The following POU5F1 variants were observed in gnomAD, a reference collection of about 807,000 sequenced individuals.
POU5F1 encodes the protein POU domain, class 5, transcription factor 1.
In POU5F1, 6 loss-of-function variants were observed where a neutral mutation model predicts 38.3. That is an observed-to-expected ratio of 0.16 (90% CI 0.09 to 0.31). The LOEUF (loss-of-function observed/expected upper bound fraction) is 0.31, where lower values mean the gene tolerates loss of function less well. Among genes scored for constraint, POU5F1 ranks in the 10% least tolerant of loss-of-function variants. POU5F1 has a pLI of 1.00. For synonymous variants in POU5F1, 147 were observed against 194.9 expected, an observed-to-expected ratio of 0.75 and a Z score of 2.05; for missense variants, 286 against 462.6, an observed-to-expected ratio of 0.62 and a Z score of 3.50.
chr6:31,165,852 CCT>C lies in POU5F1; in HGVS notation c.526+73_526+74del. 2 of 1,595,584 alleles carry C rather than the reference CCT, an allele frequency of 1.3e-6. No individual in the cohort carries two copies. Among genetic ancestry groups the C allele is most frequent in the Non-Finnish European group, 8.6e-7 (1 of 1,168,862 alleles). On this transcript the variant is annotated intron_variant, in intron 2 of 4. Coordinates refer to ENST00000259915, the MANE Select transcript of POU5F1 (RefSeq NM_002701.6). The surrounding 1 kb of genome is among the most constrained non-coding windows in gnomAD (Gnocchi z 6.5). ...TCTTCATGGGTGAGGGTAGTCTGCC[CCT>C]GCCCCTCCCCACTAGGTTCAGGGAT...
intron 1 of POU5F1, among the ~76,000 whole-genome samples, chr6:31,168,736 A>T (rs952117946): frequency 6.6e-6 from 1 of 152,178 alleles, no homozygotes; most frequent in Non-Finnish European, 1.5e-5. Flanking sequence ...AGGGTGGAGC[A>T]GTTCAGGGAG....
chr6:31,168,331 G>A (rs1300567533), intron 1 of POU5F1, among the ~76,000 whole-genome samples: 2 of 150,946 alleles, frequency 1.3e-5, no homozygotes, highest in South Asian at 2.1e-4. Context: ...CATCTCCCAG[G>A]TTCAAGCGAT....
chr6:31,164,599 C>A lies in POU5F1; in HGVS notation c.*2G>T, dbSNP rs997296748. 5.0e-6 allele frequency: 8 copies of A among 1,584,544 alleles called. No homozygotes were observed. The African/African-American group carries it at 1.1e-4, about 21-fold the overall frequency. ...TCCCCCATTCCTAGAAGGGCAGGCACCTCAGTTTGAATGCATGGGAGAGCC... is the reference window on the plus strand; with the variant it reads ...TCCCCCATTCCTAGAAGGGCAGGCAACTCAGTTTGAATGCATGGGAGAGCC... On this transcript the variant is annotated 3_prime_UTR_variant, in exon 5 of 5. Coordinates refer to ENST00000259915, the MANE Select transcript of POU5F1 (RefSeq NM_002701.6).
chr6:31,170,479 C>G lies in POU5F1; in HGVS notation c.142G>C (p.Gly48Arg). The G allele has an allele frequency of 6.2e-7, 1 of 1,603,434 alleles. No homozygotes were observed. The highest frequency in any genetic ancestry group is 1.1e-5 in the South Asian group (1 of 89,916). ...TCAGAGCCTGGCCCAACCCCCGGCC[C>G]GATTCCTGGCCCTCCAGGAGGGCCT... ...FQGPPGGPGI[G>R]PGVGPGSEVW... is the part of the protein sequence containing the mutation. The change falls in exon 1 of 5, where the codon GGG (glycine) becomes CGG (arginine). Residue 48 changes from glycine (G) to arginine (R), a missense_variant. Coordinates refer to ENST00000259915, the MANE Select transcript of POU5F1 (RefSeq NM_002701.6).
chr6:31,164,741 C>T lies in POU5F1; in HGVS notation c.943G>A (p.Ala315Thr), dbSNP rs1777072975. 6.2e-7 allele frequency: 1 copy of T among 1,608,166 alleles called. No individual in the cohort carries two copies. Among genetic ancestry groups the T allele is most frequent in the Non-Finnish European group, 8.5e-7 (1 of 1,177,438 alleles). The change falls in exon 5 of 5, where the codon GCC (alanine) becomes ACC (threonine). Residue 315 changes from alanine to threonine, a missense_variant. Transcript: ENST00000259915. Reference sequence around the variant, plus strand: ...GGGGTACCAAAATGGGGCCCTGGGGCCAGAGGAAAGGACACTGGTCCCCCT... The same window carrying T: ...GGGGTACCAAAATGGGGCCCTGGGGTCAGAGGAAAGGACACTGGTCCCCCT... ...FSGGPVSFPL[A>T]PGPHFGTPGY...
At chr6:31,170,120 G>A in intron 1 of POU5F1, 96 bp downstream of exon 1, 3 of 1,597,182 alleles carry the variant, frequency 1.9e-6, no homozygotes, top group Non-Finnish European at 2.6e-6. Context: ...CCTCTCCTGG[G>A]TGCCAGGTCT....
intron 1 of POU5F1, among the ~76,000 whole-genome samples, chr6:31,168,075 G>A (rs1215520378): frequency 6.6e-6 from 1 of 152,040 alleles, no homozygotes; most frequent in Non-Finnish European, 1.5e-5. Flanking sequence ...GAGTAGCTGG[G>A]ACTACAGGCA....
intron 1 of POU5F1, among the ~76,000 whole-genome samples, chr6:31,169,039 A>G (rs1006234562): frequency 2.0e-5 from 3 of 152,320 alleles, no homozygotes; most frequent in South Asian, 2.1e-4. Flanking sequence ...CAAACTGATA[A>G]ATGCCCTCTG....
chr6:31,167,621 T>C (rs994490975), intron 1 of POU5F1, among the ~76,000 whole-genome samples: 2 of 151,666 alleles, frequency 1.3e-5, no homozygotes, highest in African/African-American at 4.9e-5. Flanking sequence ...GGCAGGAGAA[T>C]TGCTTGAACC....
chr6:31,170,675 G>A lies in POU5F1; in HGVS notation c.-55C>T, dbSNP rs1777603308. On this transcript the variant is annotated 5_prime_UTR_variant, in exon 1 of 5. Transcript: ENST00000259915. ...CTGGTGAAATGAGGGCTTGCGAAGG[G>A]ACTACTCAACCCCTCTCTCCCTCCC... 2.0e-6 allele frequency: 3 copies of A among 1,501,092 alleles called. No homozygotes were observed. Among genetic ancestry groups the A allele is most frequent in the Admixed American group, 2.2e-5 (1 of 45,128 alleles). The allele number at this position is 1,501,092 out of a possible 1,614,324, so 93.0% of individuals were successfully genotyped here.
rs953270489 is a variant in POU5F1 at position 31,164,652 on chromosome 6, G to A, written c.1032C>T (p.Ala344=). 251 of 1,584,848 alleles carry A rather than the reference G, an allele frequency of 1.6e-4. No homozygotes were observed. Among genetic ancestry groups the A allele is most frequent in the Non-Finnish European group, 2.1e-4 (248 of 1,165,308 alleles). Residue 344 remains alanine, a synonymous_variant, in exon 5 of 5, where the codon GCC becomes GCT. Coordinates refer to ENST00000259915, the MANE Select transcript of POU5F1 (RefSeq NM_002701.6). The stretch of plus-strand genomic sequence containing the variant: ...GAGTGGTGACGGAGACAGGGGGAAA[G>A]GCTTCCCCCTCAGGGAAAGGGACCG... ...YSSVPFPEGE[A]FPPVSVTTLG... is the part of the protein sequence containing the mutation.
At chr6:31,164,929 T>C in intron 4 of POU5F1, 62 bp from the exon 5 acceptor site, 1 of 1,576,000 alleles carries the variant, frequency 6.3e-7, no homozygotes, top group Non-Finnish European at 8.6e-7. Flanking sequence ...GGCCTGACTC[T>C]GCTTGGACAT....
At chr6:31,166,256 A>T (rs115513668) in intron 1 of POU5F1, 29,896 of 1,543,786 alleles carry the variant, frequency 0.019, 367 homozygotes, top group Non-Finnish European at 0.022. Flanking sequence ...TCATGCATGT[A>T]ACAAAGGACT....
In POU5F1 at chr6:31,165,432, C is replaced by T; in HGVS notation, c.657+139G>A. ...TGGAAGGGTTGGCTCTGGACCTTAT[C>T]CCAGCAGAACTGAGGAATTTCACTC... On this transcript the variant is annotated intron_variant, in intron 3 of 4. Coordinates refer to ENST00000259915, the MANE Select transcript of POU5F1 (RefSeq NM_002701.6). The surrounding 1 kb of genome is among the most constrained non-coding windows in gnomAD (Gnocchi z 6.5). 2 of 1,566,292 alleles carry T rather than the reference C, an allele frequency of 1.3e-6. No homozygotes were observed. The highest frequency in any genetic ancestry group is 2.3e-5 in the East Asian group (1 of 43,734).
At position 31,164,356 on chromosome 6, in the gene POU5F1, T is replaced by G; in HGVS notation, c.*245A>C. 8.6e-7 allele frequency: 1 copy of G among 1,163,538 alleles called. No homozygotes were observed. Among genetic ancestry groups the G allele is most frequent in the Non-Finnish European group, 1.2e-6 (1 of 843,612 alleles). The allele number at this position is 1,163,538 out of a possible 1,614,324, so 72.1% of individuals were successfully genotyped here. A position where few individuals can be genotyped will look rare whatever the true frequency, so the allele number is the denominator to read the frequency against. ...CCAAGATAAGTGTGTCTATCTACTG[T>G]GTCCCAGGCTTCTTTATTTAAGAAA... On this transcript the variant is annotated 3_prime_UTR_variant, in exon 5 of 5. Coordinates refer to ENST00000259915, the MANE Select transcript of POU5F1 (RefSeq NM_002701.6).
chr6:31,167,715 A>T (rs1777375225), intron 1 of POU5F1, among the ~76,000 whole-genome samples: 1 of 91,918 alleles, frequency 1.1e-5, no homozygotes, highest in Admixed American at 9.8e-5. Flanking sequence ...CTCAAAAATT[A>T]AAAAAAAAAT....
Position 31,166,042 on chromosome 6 carries a change from C to G in POU5F1, c.411G>C (p.Gln137His), listed in dbSNP as rs1387884870. Residue 137 changes from glutamine (Q) to histidine (H), a missense_variant, in exon 2 of 5, where the codon CAG becomes CAC. Gln to His is a conservative substitution (Grantham distance 24, BLOSUM62 0). Coordinates refer to ENST00000259915, the MANE Select transcript of POU5F1 (RefSeq NM_002701.6). ...EKLEQNPEES[Q>H]DIKALQKELE... Reference sequence around the variant, plus strand: ...GTTCTTTCTGCAGAGCTTTGATGTCCTGGGACTGGATTTTAAAAGGCAGAA... The same window carrying G: ...GTTCTTTCTGCAGAGCTTTGATGTCGTGGGACTGGATTTTAAAAGGCAGAA... 1 of 1,614,198 alleles carries G rather than the reference C, an allele frequency of 6.2e-7. No individual in the cohort carries two copies. The highest frequency in any genetic ancestry group is 2.2e-5 in the East Asian group (1 of 44,882).
Position 31,170,406 on chromosome 6 carries a change from C to A in POU5F1, c.215G>T (p.Gly72Val). 1 of 1,612,598 alleles carries A rather than the reference C, an allele frequency of 6.2e-7. No individual in the cohort carries two copies. Among genetic ancestry groups the A allele is most frequent in the South Asian group, 1.1e-5 (1 of 91,064 alleles). Residue 72 changes from glycine (G) to valine (V), a missense_variant, in exon 1 of 5, where the codon GGG (glycine) becomes GTG (valine). Transcript: ENST00000259915. Reference sequence around the variant, plus strand: ...AACCTGGGGCCCACAGTACGCCATCCCCCCACAGAACTCATACGGCGGGGG... The same window carrying A: ...AACCTGGGGCCCACAGTACGCCATCACCCCACAGAACTCATACGGCGGGGG... Reference protein sequence around the residue: ...PCPPPYEFCGGMAYCGPQVGV... With the variant: ...PCPPPYEFCGVMAYCGPQVGV...
In POU5F1 at chr6:31,165,091, G is replaced by C; in HGVS notation, c.816+37C>G. 2 of 1,595,666 alleles carry C rather than the reference G, an allele frequency of 1.3e-6. No individual in the cohort carries two copies. Among genetic ancestry groups the C allele is most frequent in the Non-Finnish European group, 1.7e-6 (2 of 1,171,498 alleles). ...TAGGGAAAGCGAGGTGGTGACAGGGGAAAGAGATGGAGCCCGCAGAGAGAC... is the reference window on the plus strand; with the variant it reads ...TAGGGAAAGCGAGGTGGTGACAGGGCAAAGAGATGGAGCCCGCAGAGAGAC... On this transcript the variant is annotated intron_variant, in intron 4 of 4. Coordinates refer to ENST00000259915, the MANE Select transcript of POU5F1 (RefSeq NM_002701.6). The surrounding 1 kb of genome is among the most constrained non-coding windows in gnomAD (Gnocchi z 6.5).
Sources: allele counts gnomAD v4.1 joint callset (sites outside exome capture counted in the v4.1 genomes callset), GRCh38; gene constraint gnomAD v4.1.1; non-coding constraint Gnocchi (gnomAD v3.1); transcripts MANE v1.5; gene names NCBI Gene and HGNC (gene_info 2026-07-23, HGNC 2026-07-21).